Variants in ABCE1 observed in about 807,000 individuals in gnomAD.
ABCE1 encodes ATP binding cassette subfamily E member 1, also known as ATP-binding cassette sub-family E member 1.
A neutral mutation model predicts 83.4 loss-of-function variants in ABCE1; 22 were observed. The observed-to-expected ratio is 0.26, with a 90% CI of 0.19 to 0.38. The LOEUF is 0.38. ABCE1 is among the 10% of genes least tolerant of loss of function. The pLI is 1.00. For synonymous variants in ABCE1, 204 were observed against 233.7 expected (o/e 0.87, Z 1.16); for missense variants, 330 against 721.9 (o/e 0.46, Z 6.22).
intron 17 of ABCE1, among the ~76,000 whole-genome samples, chr4:145,126,258 CTA>C (rs1218017578): frequency 6.6e-6 from 1 of 152,028 alleles, no homozygotes; most frequent in Non-Finnish European, 1.5e-5. Context: ...TAAATGAACT[CTA>C]AAAGCATTTC....
At chr4:145,125,476 A>T (rs34935304) in intron 17 of ABCE1, among the ~76,000 whole-genome samples, 2,732 of 152,220 alleles carry the variant, frequency 0.018, 92 homozygotes, top group African/African-American at 0.062. Context: ...TAAAAAAATA[A>T]AAATAAATTA....
At position 145,104,526 on chromosome 4, in the gene ABCE1, C is replaced by T; in HGVS notation, c.103+11C>T. On this transcript the variant is annotated intron_variant, in intron 2 of 17. Transcript: ENST00000296577. ...CTGTAGTTCGAATGGGTAAGCTGTT[C>T]TGTGGATCATTTAAGTATAAAAGAA... 1 of 1,528,882 alleles carries T rather than the reference C, an allele frequency of 6.5e-7. No homozygotes were observed. Among genetic ancestry groups the T allele is most frequent in the Non-Finnish European group, 8.9e-7 (1 of 1,124,350 alleles). 94.7% of individuals were successfully genotyped at this position (1,528,882 alleles called of 1,614,324 possible).
intron 13 of ABCE1, chr4:145,122,458 T>C (rs184409846): frequency 6.6e-6 from 1 of 152,224 alleles, no homozygotes; most frequent in Non-Finnish European, 1.5e-5. Context: ...TCTGAAACAT[T>C]CATTATTTGC....
chr4:145,127,080 T>C (rs1300982448), intron 17 of ABCE1, among the ~76,000 whole-genome samples: 2 of 152,026 alleles, frequency 1.3e-5, no homozygotes, highest in African/African-American at 4.8e-5. Context: ...AGAGAACAGC[T>C]CAACAAGTAG....
chr4:145,113,040 T>G (rs1268903013), intron 9 of ABCE1, among the ~76,000 whole-genome samples: 1 of 152,212 alleles, frequency 6.6e-6, no homozygotes, highest in African/African-American at 2.4e-5. Context: ...ACATGGCTCA[T>G]CTTGCAAGAA....
intron 9 of ABCE1, among the ~76,000 whole-genome samples, chr4:145,113,131 G>A (rs913338207): frequency 3.9e-5 from 6 of 152,162 alleles, no homozygotes; most frequent in Non-Finnish European, 7.4e-5. Context: ...GATGGTTTCT[G>A]TAATAGGTCT....
At chr4:145,117,227 C>T in intron 9 of ABCE1, 66 bp from the exon 10 acceptor site, 1 of 1,382,502 alleles carries the variant, frequency 7.2e-7, no homozygotes, top group African/African-American at 1.5e-5. Flanking sequence ...ATCTCTTTTT[C>T]TGAAATTTCC....
At chr4:145,125,479 ATAAAT>A (rs763294969) in intron 17 of ABCE1, among the ~76,000 whole-genome samples, 1 of 152,110 alleles carries the variant, frequency 6.6e-6, no homozygotes, top group East Asian at 1.9e-4. Context: ...AAAAATAAAA[ATAAAT>A]TAAAAAACAA....
At chr4:145,125,203 A>T (rs1441247492) in intron 17 of ABCE1, 102 bp downstream of exon 17, 1 of 828,394 alleles carries the variant, frequency 1.2e-6, no homozygotes, top group African/African-American at 1.7e-5. Context: ...ACAGTGGCTC[A>T]CACCTGTGAT....
Position 145,127,643 on chromosome 4 carries a change from ACTTG to A in ABCE1, c.*71_*74del. The A allele has an allele frequency of 7.8e-7, 1 of 1,276,726 alleles. No homozygotes were observed. Among genetic ancestry groups the A allele is most frequent in the Non-Finnish European group, 1.1e-6 (1 of 935,640 alleles). The allele number at this position is 1,276,726 out of a possible 1,614,324, so 79.1% of individuals were successfully genotyped here. A position where few individuals can be genotyped will look rare whatever the true frequency, so the allele number is the denominator to read the frequency against. On this transcript the variant is annotated 3_prime_UTR_variant, in exon 18 of 18. Transcript: ENST00000296577. The stretch of plus-strand genomic sequence containing the variant: ...TTACTAGAATTTTTTGTCATATAAA[ACTTG>A]AATCAGGATTTTATGCCCCACATAC...
chr4:145,111,291 C>T lies in ABCE1; in HGVS notation c.710+227C>T, dbSNP rs115088812. Among the ~76,000 whole-genome samples, 570 of 152,170 alleles carry T rather than the reference C, an allele frequency of 3.7e-3. 6 individuals carry two copies. Among genetic ancestry groups the T allele is most frequent in the African/African-American group, 0.012 (488 of 41,498 alleles). On this transcript the variant is annotated intron_variant, in intron 8 of 17. Coordinates refer to ENST00000296577, the MANE Select transcript of ABCE1 (RefSeq NM_002940.3). ...TAGATAGTTTATAACTGATAGGTGCCGGAACTTTTTATATAAAGTCAGTTA... is the reference window on the plus strand; with the variant it reads ...TAGATAGTTTATAACTGATAGGTGCTGGAACTTTTTATATAAAGTCAGTTA...
intron 8 of ABCE1, 86 bp from the exon 9 acceptor site, chr4:145,112,153 G>C: frequency 1.1e-6 from 1 of 885,976 alleles, no homozygotes; most frequent in Non-Finnish European, 1.7e-6. Context: ...AAAAGCTCTT[G>C]ATACTACAGT....
At chr4:145,108,700 C>T (rs1033714535) in intron 4 of ABCE1, among the ~76,000 whole-genome samples, 1 of 152,148 alleles carries the variant, frequency 6.6e-6, no homozygotes, top group Admixed American at 6.6e-5. Context: ...TGGAATATTT[C>T]TGGTTGATGT....
rs1032652678 is a variant in ABCE1 at position 145,116,632 on chromosome 4, A to G, written c.801-661A>G. 2.6e-5 allele frequency among the ~76,000 whole-genome samples: 4 copies of G among 151,906 alleles called. No homozygotes were observed. In the South Asian group the frequency reaches 6.2e-4, roughly 24 times the overall value. ...AGTGCTACATAAAACCTTCATGACT[A>G]TTACTTGCGTCTAAAACTTCTATTC... On this transcript the variant is annotated intron_variant, in intron 9 of 17. Transcript: ENST00000296577.
intron 1 of ABCE1, among the ~76,000 whole-genome samples, chr4:145,098,770 C>T (rs1029104402): frequency 6.6e-6 from 1 of 152,224 alleles, no homozygotes. Flanking sequence ...TTAGAACTTA[C>T]AGCACTCTCT....
intron 3 of ABCE1, 28 bp downstream of exon 3, chr4:145,105,718 A>G (rs1242767801): frequency 6.7e-7 from 1 of 1,487,754 alleles, no homozygotes; most frequent in South Asian, 1.2e-5. Context: ...TACTGGATCA[A>G]ACGTGTAACC....
At chr4:145,124,905 G>A (rs1299135463) in intron 16 of ABCE1, 85 bp from the exon 17 acceptor site, 13 of 877,968 alleles carry the variant, frequency 1.5e-5, no homozygotes, top group Non-Finnish European at 2.4e-5. Context: ...TGAGGTAATA[G>A]TAATTCTTAA....
rs529549417 is a variant in ABCE1, at chr4:145,105,811, G to A, written c.189+121G>A. 1.5e-3 allele frequency: 715 copies of A among 487,524 alleles called. 6 individuals carry two copies. Among genetic ancestry groups the A allele is most frequent in the African/African-American group, 7.1e-3 (352 of 49,868 alleles). The allele number at this position is 487,524 out of a possible 1,614,324, so 30.2% of individuals were successfully genotyped here. ...AGTATAAAGCAAATGAATAGAGAATGTAAATTTAGGAAAGTGGTATTCTAA... is the reference window on the plus strand; with the variant it reads ...AGTATAAAGCAAATGAATAGAGAATATAAATTTAGGAAAGTGGTATTCTAA... On this transcript the variant is annotated intron_variant, in intron 3 of 17. Coordinates refer to ENST00000296577, the MANE Select transcript of ABCE1 (RefSeq NM_002940.3).
intron 1 of ABCE1, among the ~76,000 whole-genome samples, chr4:145,101,737 C>T (rs1301318569): frequency 6.6e-6 from 1 of 152,102 alleles, no homozygotes; most frequent in East Asian, 1.9e-4. Flanking sequence ...AGGATTTGGG[C>T]CTGAGCAAAT....
Sources: allele counts gnomAD v4.1 joint callset (sites outside exome capture counted in the v4.1 genomes callset), GRCh38; gene constraint gnomAD v4.1.1; transcripts MANE v1.5; gene names NCBI Gene and HGNC (gene_info 2026-07-23, HGNC 2026-07-21).